The following EFCAB14 variants were observed in gnomAD, a reference collection of about 807,000 sequenced individuals.
EFCAB14 encodes EF-hand calcium-binding domain-containing protein 14.
EFCAB14 carries 43 observed loss-of-function variants against 56.5 expected under a neutral mutation model. That is an observed-to-expected ratio of 0.76 (90% CI 0.60 to 0.98). The LOEUF is 0.98. Among genes scored for constraint, EFCAB14 ranks in the 50% least tolerant of loss-of-function variants. The pLI, the probability that EFCAB14 is intolerant of heterozygous loss-of-function variation, is 0.00. For synonymous variants in EFCAB14, 235 were observed against 212.9 expected, an observed-to-expected ratio of 1.10 and a Z score of -0.90; for missense variants, 538 against 580.3, an observed-to-expected ratio of 0.93 and a Z score of 0.75.
chr1:46,678,710 G>T, intron 10 of EFCAB14, 74 bp from the exon 11 acceptor site: 49 of 1,309,610 alleles, frequency 3.7e-5, no homozygotes, highest in Middle Eastern at 2.2e-4. Flanking sequence ...AGTCTCAACT[G>T]AATTTAAAAC....
chr1:46,708,571 T>C (rs1214231352), intron 2 of EFCAB14, among the ~76,000 whole-genome samples: 2 of 152,204 alleles, frequency 1.3e-5, no homozygotes, highest in African/African-American at 4.8e-5. Context: ...AGATTATAAG[T>C]TATATTTCTA....
intron 3 of EFCAB14, among the ~76,000 whole-genome samples, chr1:46,702,678 T>C (rs892171378): frequency 6.6e-6 from 1 of 152,200 alleles, no homozygotes; most frequent in Non-Finnish European, 1.5e-5. Context: ...GTCAATACCA[T>C]CATCGTTATC....
At position 46,718,357 on chromosome 1, in the gene EFCAB14, G is replaced by A. The variant is rs1677431009; in HGVS notation, c.-270C>T. The A allele has an allele frequency of 5.2e-6, 2 of 381,904 alleles. No individual in the cohort carries two copies. The highest frequency in any genetic ancestry group is 9.7e-6 in the Non-Finnish European group (2 of 206,860). 23.7% of individuals were successfully genotyped at this position (381,904 alleles called of 1,614,324 possible). On this transcript the variant is annotated 5_prime_UTR_variant, in exon 1 of 11. Coordinates refer to ENST00000371933, the MANE Select transcript of EFCAB14 (RefSeq NM_014774.3). ...CCCAAAGGATAAGGCCTTGGGTGCAGAGTGTTAGTAGAGGGTGGAGAGGGA... is the reference window on the plus strand; with the variant it reads ...CCCAAAGGATAAGGCCTTGGGTGCAAAGTGTTAGTAGAGGGTGGAGAGGGA...
intron 10 of EFCAB14, among the ~76,000 whole-genome samples, chr1:46,680,236 A>G (rs1463513733): frequency 6.6e-6 from 1 of 152,192 alleles, no homozygotes; most frequent in African/African-American, 2.4e-5. Context: ...ATGAAAACAT[A>G]TGTTTACATA....
At chr1:46,691,596 T>A (rs1676993221) in intron 5 of EFCAB14, among the ~76,000 whole-genome samples, 1 of 152,246 alleles carries the variant, frequency 6.6e-6, no homozygotes, top group Non-Finnish European at 1.5e-5. Flanking sequence ...TCAGGAACTG[T>A]GTCTTATTAC....
intron 3 of EFCAB14, among the ~76,000 whole-genome samples, chr1:46,699,786 T>C (rs995336024): frequency 9.9e-5 from 15 of 152,180 alleles, no homozygotes; most frequent in African/African-American, 3.6e-4. Context: ...TTCCCTAGAG[T>C]GTAGCCTGAC....
intron 1 of EFCAB14, 139 bp from the exon 2 acceptor site, chr1:46,716,582 G>A: frequency 1.1e-6 from 1 of 907,418 alleles, no homozygotes; most frequent in Non-Finnish European, 1.7e-6. Flanking sequence ...GCAGGGTAAA[G>A]CACTTAAATG....
intron 2 of EFCAB14, among the ~76,000 whole-genome samples, chr1:46,714,030 TC>T (rs1677349454): frequency 6.6e-6 from 1 of 152,098 alleles, no homozygotes; most frequent in Non-Finnish European, 1.5e-5. Flanking sequence ...GCATACTGAA[TC>T]CCCAGCCCCA....
chr1:46,696,971 C>T (rs368226712), intron 3 of EFCAB14, among the ~76,000 whole-genome samples: 1 of 152,192 alleles, frequency 6.6e-6, no homozygotes. Flanking sequence ...TTATCACACA[C>T]TCCCTCAACA....
rs78223738 is a variant in EFCAB14 at position 46,697,303 on chromosome 1, A to T, written c.481-654T>A. Among the ~76,000 whole-genome samples the T allele has an allele frequency of 6.5e-3, 993 of 152,330 alleles. 12 individuals are homozygous for T. Among genetic ancestry groups the T allele is most frequent in the African/African-American group, 0.023 (951 of 41,572 alleles). ...CTGACTGATGCAATGTATGTATTAA[A>T]ATAGGAATTTAATCAAAATAAAATG... On this transcript the variant is annotated intron_variant, in intron 3 of 10. Transcript: ENST00000371933.
intron 1 of EFCAB14, among the ~76,000 whole-genome samples, chr1:46,716,757 T>C (rs1677402438): frequency 6.6e-6 from 1 of 152,236 alleles, no homozygotes. Context: ...CACAAAAGTG[T>C]AAAGACCAAT....
chr1:46,692,260 A>G (rs969935691), intron 4 of EFCAB14, among the ~76,000 whole-genome samples: 4 of 152,226 alleles, frequency 2.6e-5, no homozygotes, highest in Non-Finnish European at 2.9e-5. Context: ...TCTACTCAGC[A>G]GAATTGGGAT....
intron 5 of EFCAB14, among the ~76,000 whole-genome samples, chr1:46,690,189 T>C (rs567186653): frequency 3.3e-5 from 5 of 152,372 alleles, no homozygotes; most frequent in African/African-American, 1.2e-4. Context: ...TATAGCATTA[T>C]GCTAAGTAAG....
intron 3 of EFCAB14, 94 bp from the exon 4 acceptor site, chr1:46,696,743 A>C (rs1677083354): frequency 8.5e-7 from 1 of 1,171,404 alleles, no homozygotes; most frequent in Non-Finnish European, 1.2e-6. Context: ...ATGTCAAGAT[A>C]GTCTAGGATT....
intron 3 of EFCAB14, among the ~76,000 whole-genome samples, chr1:46,704,357 C>T (rs571423477): frequency 1.3e-5 from 2 of 151,818 alleles, no homozygotes; most frequent in East Asian, 3.9e-4. Flanking sequence ...TGCCTGTAGT[C>T]CCAGCTACTC....
rs755292180 is a variant in EFCAB14, at chr1:46,716,439, C to A, written c.190G>T (p.Asp64Tyr). The change falls in exon 2 of 11, where the codon GAC becomes TAC. Residue 64 changes from aspartate to tyrosine, a missense_variant. Asp to Tyr is a radical substitution (Grantham distance 160, BLOSUM62 -3). Transcript: ENST00000371933. ...CAGATCTTGCAGCATCGTAAATAGT[C>A]TCCCCTGCTCAAGAGGACAAATTCA... ...VGNRSRFAKG[D>Y]YLRCCKICYP... 1.1e-5 allele frequency: 18 copies of A among 1,613,790 alleles called. No individual in the cohort carries two copies. In the African/African-American group the frequency reaches 1.9e-4, roughly 17 times the overall value.
chr1:46,678,560 T>C lies in EFCAB14; in HGVS notation c.1389A>G (p.Leu463=), dbSNP rs143851338. The C allele has an allele frequency of 8.1e-5, 131 of 1,614,124 alleles. No homozygotes were observed. The African/African-American group carries it at 1.7e-3, about 21-fold the overall frequency. The change falls in exon 11 of 11, where the codon CTA becomes CTG. Residue 463 remains leucine (L), a synonymous_variant. Coordinates refer to ENST00000371933, the MANE Select transcript of EFCAB14 (RefSeq NM_014774.3). ...TCTCTGGTTCTGGCATAGCAGAACC[T>C]AGGGAGGTCCAGATTTCCTGGTAGG... The part of the protein sequence containing the change: ...KLTYQEIWTS[L]GSAMPEPESL...
Position 46,684,468 on chromosome 1 carries a change from TAAG to T in EFCAB14, c.1186+20_1186+22del. ...AGCTGCTCAAGCCTCCATGAAATAT[TAAG>T]AAGCCGGCTCTGCTCTCACCTTCAT... On this transcript the variant is annotated intron_variant, in intron 9 of 10. Coordinates refer to ENST00000371933, the MANE Select transcript of EFCAB14 (RefSeq NM_014774.3). 6.2e-7 allele frequency: 1 copy of T among 1,600,158 alleles called. No individual in the cohort carries two copies. The highest frequency in any genetic ancestry group is 8.6e-7 in the Non-Finnish European group (1 of 1,168,134).
At chr1:46,696,078 T>G (rs1003323422) in intron 4 of EFCAB14, among the ~76,000 whole-genome samples, 1 of 152,130 alleles carries the variant, frequency 6.6e-6, no homozygotes, top group Non-Finnish European at 1.5e-5. Context: ...GTTTCCTGAA[T>G]TTTTAATTTT....
Sources: allele counts gnomAD v4.1 joint callset (sites outside exome capture counted in the v4.1 genomes callset), GRCh38; gene constraint gnomAD v4.1.1; transcripts MANE v1.5; gene names NCBI Gene and HGNC (gene_info 2026-07-23, HGNC 2026-07-21).